RUNX2: variants seen among roughly 807,000 people sequenced by gnomAD.
The protein encoded by RUNX2 is runt-related transcription factor 2.
RUNX2 carries 10 observed loss-of-function variants against 51.7 expected under a neutral mutation model. The observed-to-expected ratio is 0.19, with a 90% CI of 0.12 to 0.33. The LOEUF is 0.33. Among genes scored for constraint, RUNX2 ranks in the 10% least tolerant of loss-of-function variants. The pLI is 1.00. For missense variants in RUNX2, 562 were observed against 691.3 expected, an observed-to-expected ratio of 0.81 and a Z score of 2.10; for synonymous variants, 276 against 273.6, an observed-to-expected ratio of 1.01 and a Z score of -0.09.
intron 2 of RUNX2, among the ~76,000 whole-genome samples, chr6:45,342,925 G>A (rs945025383): frequency 2.0e-5 from 3 of 152,094 alleles, no homozygotes; most frequent in African/African-American, 7.2e-5. Flanking sequence ...AAGGACAGCA[G>A]GGGTTTTGGT....
At chr6:45,363,698 T>A (rs990753177) in intron 2 of RUNX2, among the ~76,000 whole-genome samples, 1 of 152,072 alleles carries the variant, frequency 6.6e-6, no homozygotes, top group Non-Finnish European at 1.5e-5. Flanking sequence ...CACAAAAATG[T>A]ATATAAGCAT....
intron 5 of RUNX2, among the ~76,000 whole-genome samples, chr6:45,488,163 G>A (rs1278920197): frequency 1.3e-5 from 2 of 152,136 alleles, no homozygotes; most frequent in East Asian, 1.9e-4. Context: ...GAACTGAATC[G>A]ATTTGAGATA....
chr6:45,541,810 GC>G (rs1453167076), intron 7 of RUNX2, among the ~76,000 whole-genome samples: 6 of 152,210 alleles, frequency 3.9e-5, no homozygotes, highest in Non-Finnish European at 8.8e-5. Context: ...CCAGCTGACA[GC>G]CCCAATGGCA....
At chr6:45,514,951 T>C (rs1801274039) in intron 7 of RUNX2, among the ~76,000 whole-genome samples, 1 of 150,816 alleles carries the variant, frequency 6.6e-6, no homozygotes, top group African/African-American at 2.5e-5. Flanking sequence ...TTTTTTTTTT[T>C]GTTTGTGTGC....
intron 2 of RUNX2, chr6:45,377,461 C>T (rs769154877): frequency 2.0e-5 from 3 of 152,320 alleles, no homozygotes; most frequent in Non-Finnish European, 4.4e-5. Flanking sequence ...ACCCGCGCAC[C>T]CCGCTTCTCA....
chr6:45,474,836 A>G (rs560248161), intron 5 of RUNX2, among the ~76,000 whole-genome samples: 4 of 152,274 alleles, frequency 2.6e-5, no homozygotes, highest in African/African-American at 9.6e-5. Flanking sequence ...TCACACTCTG[A>G]ATTCAATAAT....
At chr6:45,337,156 A>T (rs1788736700) in intron 2 of RUNX2, among the ~76,000 whole-genome samples, 1 of 151,772 alleles carries the variant, frequency 6.6e-6, no homozygotes, top group African/African-American at 2.4e-5. Context: ...TGAACTGCCC[A>T]TATGAACAGA....
At chr6:45,392,848 C>T (rs530198108) in intron 2 of RUNX2, among the ~76,000 whole-genome samples, 1 of 152,198 alleles carries the variant, frequency 6.6e-6, no homozygotes, top group African/African-American at 2.4e-5. Context: ...CTTTCTTCCC[C>T]TTCTGTTATT....
At chr6:45,447,569 C>A (rs1241020481) in intron 5 of RUNX2, among the ~76,000 whole-genome samples, 1 of 152,162 alleles carries the variant, frequency 6.6e-6, no homozygotes, top group African/African-American at 2.4e-5. Context: ...TCTGTCCATA[C>A]AAGAACTTTA....
intron 5 of RUNX2, among the ~76,000 whole-genome samples, chr6:45,462,335 G>A (rs922500016): frequency 2.0e-5 from 3 of 152,108 alleles, no homozygotes; most frequent in African/African-American, 7.2e-5. Flanking sequence ...AAGCTGATGG[G>A]GTATGACAGT....
intron 6 of RUNX2, among the ~76,000 whole-genome samples, chr6:45,509,183 G>A (rs1582188154): frequency 6.6e-6 from 1 of 152,168 alleles, no homozygotes; most frequent in Admixed American, 6.5e-5. Flanking sequence ...CAGGTCACAA[G>A]GCTCAGGCAG....
chr6:45,518,136 A>C (rs1801389556), intron 7 of RUNX2, among the ~76,000 whole-genome samples: 1 of 152,224 alleles, frequency 6.6e-6, no homozygotes, highest in Non-Finnish European at 1.5e-5. Flanking sequence ...TCCTTTCTTA[A>C]GAGCCACCTG....
intron 2 of RUNX2, among the ~76,000 whole-genome samples, chr6:45,367,642 AAAG>A (rs1369351443): frequency 3.9e-5 from 6 of 152,310 alleles, no homozygotes; most frequent in African/African-American, 1.4e-4. Flanking sequence ...TGTTAAACTC[AAAG>A]AGTAAGTAGT....
At chr6:45,340,511 A>G (rs1355726066) in intron 2 of RUNX2, among the ~76,000 whole-genome samples, 2 of 152,030 alleles carry the variant, frequency 1.3e-5, no homozygotes, top group African/African-American at 4.8e-5. Context: ...TTTTGTAGAG[A>G]CAGGTTTTTG....
At chr6:45,365,091 A>T in intron 2 of RUNX2, 1 of 709,762 alleles carries the variant, frequency 1.4e-6, no homozygotes, top group Non-Finnish European at 2.1e-6. Flanking sequence ...TTACTTGATT[A>T]ATAACAAATT....
At chr6:45,394,976 T>C (rs930358029) in intron 2 of RUNX2, among the ~76,000 whole-genome samples, 2 of 152,130 alleles carry the variant, frequency 1.3e-5, no homozygotes, top group African/African-American at 4.8e-5. Flanking sequence ...GAGGCAAGAC[T>C]AGGGCCCCAG....
chr6:45,351,450 T>C (rs1182684235), intron 2 of RUNX2, among the ~76,000 whole-genome samples: 2 of 152,066 alleles, frequency 1.3e-5, no homozygotes, highest in Non-Finnish European at 2.9e-5. Flanking sequence ...AAGATCACTG[T>C]AACATAGTAA....
At chr6:45,372,901 TC>T (rs2150316268) in intron 2 of RUNX2, among the ~76,000 whole-genome samples, 1 of 152,182 alleles carries the variant, frequency 6.6e-6, no homozygotes, top group African/African-American at 2.4e-5. Flanking sequence ...CACTGCAACC[TC>T]CGCCTCCAGG....
At position 45,441,701 on chromosome 6, in the gene RUNX2, C is replaced by T. The variant is rs1582115758; in HGVS notation, c.685+3650C>T. 2.0e-5 allele frequency among the ~76,000 whole-genome samples: 3 copies of T among 152,100 alleles called. No homozygotes were observed. The South Asian group carries it at 6.2e-4, about 32-fold the overall frequency. ...GCAGATGACTTTACTAATTTTTGCTCATTAGTAAATGACACTAATAAGTAT... is the reference window on the plus strand; with the variant it reads ...GCAGATGACTTTACTAATTTTTGCTTATTAGTAAATGACACTAATAAGTAT... On this transcript the variant is annotated intron_variant, in intron 5 of 8. Transcript: ENST00000647337.
Sources: allele counts gnomAD v4.1 joint callset (sites outside exome capture counted in the v4.1 genomes callset), GRCh38; gene constraint gnomAD v4.1.1; transcripts MANE v1.5; gene names NCBI Gene and HGNC (gene_info 2026-07-23, HGNC 2026-07-21).